The following PRKN variants were observed in gnomAD, a reference collection of about 807,000 sequenced individuals.
PRKN encodes the protein parkin RBR E3 ubiquitin protein ligase, also known as E3 ubiquitin-protein ligase parkin.
Under a neutral mutation model 59.5 loss-of-function variants are expected in PRKN, and 56 were observed. The ratio of observed to expected loss-of-function variants is 0.94; its 90% CI spans 0.76 to 1.18. The LOEUF is 1.18. PRKN is among the 50% of genes most tolerant of loss of function. The pLI is 0.00. For missense variants in PRKN, 657 were observed against 596.4 expected (o/e 1.10, Z -1.06); for synonymous variants, 250 against 222.1 (o/e 1.13, Z -1.12).
In PRKN at chr6:161,386,437, G is replaced by A. The variant is rs540174548; in HGVS notation, c.1167+357C>T. ...TTTTCACCAGAGATTCTAAACTAGG[G>A]CATTAAAAACATTGAAGTAGACTTA... On this transcript the variant is annotated intron_variant, in intron 10 of 11. Coordinates refer to ENST00000366898, the MANE Select transcript of PRKN (RefSeq NM_004562.3). The surrounding 1 kb of genome is among the most constrained non-coding windows in gnomAD (Gnocchi z 4.3). Among the ~76,000 whole-genome samples the A allele has an allele frequency of 5.3e-5, 8 of 152,246 alleles. No homozygotes were observed. In the South Asian group the frequency reaches 1.7e-3, roughly 32 times the overall value.
rs774043795 is a variant in PRKN at position 161,483,208 on chromosome 6, G to T, written c.1083+65646C>A. ...AAAAAAAAACATGCATTGTTAATGAGACTTCGCCAGAGATGCTTAGAGTTA... is the reference window on the plus strand; with the variant it reads ...AAAAAAAAACATGCATTGTTAATGATACTTCGCCAGAGATGCTTAGAGTTA... On this transcript the variant is annotated intron_variant, in intron 9 of 11. Transcript: ENST00000366898. The surrounding 1 kb of genome is among the most constrained non-coding windows in gnomAD (Gnocchi z 5.0). Among the ~76,000 whole-genome samples the T allele has an allele frequency of 3.3e-5, 5 of 150,584 alleles. No individual in the cohort carries two copies. Among genetic ancestry groups the T allele is most frequent in the Non-Finnish European group, 7.4e-5 (5 of 67,872 alleles).
intron 9 of PRKN, among the ~76,000 whole-genome samples, chr6:161,509,893 AAAAAAAAAAAG>A (rs1778321911): frequency 6.7e-6 from 1 of 149,438 alleles, no homozygotes; most frequent in Non-Finnish European, 1.5e-5. Context: ...AAAAAAAAAA[AAAAAAAAAAAG>A]TTAAGCCACA....
chr6:161,567,059 G>GTGTGTT (rs1295941545), intron 8 of PRKN, among the ~76,000 whole-genome samples: 1 of 129,722 alleles, frequency 7.7e-6, no homozygotes, highest in Non-Finnish European at 1.6e-5. Context: ...GTGTGTGTGT[G>GTGTGTT]AGAGAGGGTC....
intron 2 of PRKN, among the ~76,000 whole-genome samples, chr6:162,404,609 GT>G (rs1460580217): frequency 1.3e-5 from 2 of 151,976 alleles, no homozygotes; most frequent in Non-Finnish European, 2.9e-5. Flanking sequence ...CTAGAGTGCA[GT>G]GGTACAATCT....
chr6:162,386,073 CATATAA>C (rs1388357116), intron 2 of PRKN, among the ~76,000 whole-genome samples: 4 of 152,036 alleles, frequency 2.6e-5, no homozygotes, highest in Non-Finnish European at 4.4e-5. Context: ...ATGCAGGATA[CATATAA>C]ATATAGAGTC....
At chr6:162,228,787 GGT>G (rs1403436785) in intron 3 of PRKN, among the ~76,000 whole-genome samples, 2 of 152,110 alleles carry the variant, frequency 1.3e-5, no homozygotes, top group Non-Finnish European at 2.9e-5. Flanking sequence ...ATTATTTCCA[GGT>G]GTCTTTAAAT....
intron 2 of PRKN, among the ~76,000 whole-genome samples, chr6:162,280,618 C>T (rs1010014767): frequency 1.3e-5 from 2 of 151,806 alleles, no homozygotes; most frequent in African/African-American, 4.8e-5. Context: ...TGGTGAAACC[C>T]CGTCTCTACT....
At chr6:161,872,227 T>TGG (rs35541662) in intron 6 of PRKN, among the ~76,000 whole-genome samples, 2 of 151,744 alleles carry the variant, frequency 1.3e-5, no homozygotes, top group African/African-American at 2.4e-5. Flanking sequence ...AGCAGCTGAG[T>TGG]GGGGGTCCTA....
rs7765100 is a variant in PRKN, at chr6:162,184,298, C to T, written c.534+16833G>A. Reference sequence around the variant, plus strand: ...AGTGAAGTAAAAAACATCCACTGTCCTCTCTTTCTCTTGATTACTTCCAAC... The same window carrying T: ...AGTGAAGTAAAAAACATCCACTGTCTTCTCTTTCTCTTGATTACTTCCAAC... On this transcript the variant is annotated intron_variant, in intron 4 of 11. Transcript: ENST00000366898. 5.9e-5 allele frequency among the ~76,000 whole-genome samples: 9 copies of T among 152,094 alleles called. No individual in the cohort carries two copies. In the East Asian group the frequency reaches 1.7e-3, roughly 30 times the overall value.
intron 1 of PRKN, among the ~76,000 whole-genome samples, chr6:162,667,633 C>T (rs527841968): frequency 5.9e-5 from 9 of 152,062 alleles, no homozygotes; most frequent in Admixed American, 3.9e-4. Context: ...AAATATCTAT[C>T]GCAAACATAG....
chr6:162,592,739 A>G (rs1291945565), intron 1 of PRKN, among the ~76,000 whole-genome samples: 1 of 152,134 alleles, frequency 6.6e-6, no homozygotes, highest in Non-Finnish European at 1.5e-5. Context: ...CTTTATGTAG[A>G]TGTCAACAAA....
rs1018958083 is a variant in PRKN at position 161,892,661 on chromosome 6, C to T, written c.734+80641G>A. Reference sequence around the variant, plus strand: ...GGCTGAGGCAGGAGGATCTCCTGAGCGCATGAGTTAGAGGATGCAGTGAGC... The same window carrying T: ...GGCTGAGGCAGGAGGATCTCCTGAGTGCATGAGTTAGAGGATGCAGTGAGC... On this transcript the variant is annotated intron_variant, in intron 6 of 11. Transcript: ENST00000366898. 5.3e-5 allele frequency among the ~76,000 whole-genome samples: 8 copies of T among 152,210 alleles called. No homozygotes were observed. The South Asian group carries it at 6.2e-4, about 12-fold the overall frequency.
At chr6:161,837,839 T>C (rs991097845) in intron 6 of PRKN, among the ~76,000 whole-genome samples, 1 of 152,150 alleles carries the variant, frequency 6.6e-6, no homozygotes, top group Non-Finnish European at 1.5e-5. Context: ...TAGAAAATAA[T>C]AGTTTTGAGA....
At chr6:162,530,993 A>C (rs1286946984) in intron 1 of PRKN, among the ~76,000 whole-genome samples, 1 of 143,986 alleles carries the variant, frequency 6.9e-6, no homozygotes, top group Non-Finnish European at 1.5e-5. Context: ...GGAGGCGGAG[A>C]TTGCAGTAAA....
chr6:162,132,644 G>C (rs1039886137), intron 4 of PRKN, among the ~76,000 whole-genome samples: 1 of 152,134 alleles, frequency 6.6e-6, no homozygotes, highest in Non-Finnish European at 1.5e-5. Flanking sequence ...TCCAATAAGA[G>C]GTGGTGACCA....
Position 161,538,765 on chromosome 6 carries a change from A to G in PRKN, c.1083+10089T>C, listed in dbSNP as rs939546662. The stretch of plus-strand genomic sequence containing the variant: ...CTGGTCTTTACCCAAGAAAAGCCCT[A>G]TTACCTCCCAGGAGCTTGTAGAGAG... On this transcript the variant is annotated intron_variant, in intron 9 of 11. Transcript: ENST00000366898. This position sits in a 1 kb window ranked among gnomAD's most constrained non-coding sequence, Gnocchi z 4.2. 2.0e-5 allele frequency among the ~76,000 whole-genome samples: 3 copies of G among 152,172 alleles called. No homozygotes were observed. The highest frequency in any genetic ancestry group is 4.4e-5 in the Non-Finnish European group (3 of 68,036).
chr6:162,643,733 T>C (rs1156413093), intron 1 of PRKN: 1 of 152,186 alleles, frequency 6.6e-6, no homozygotes, highest in Middle Eastern at 3.2e-3. Flanking sequence ...TAATATACAA[T>C]GTATTTTTAT....
Position 162,649,397 on chromosome 6 carries a change from C to A in PRKN, c.7+78265G>T, listed in dbSNP as rs531238680. ...AATAGGATACTGGTAATGATTTTGC[C>A]AGGGCAGCATGTCTAACCCAGAGCC... On this transcript the variant is annotated intron_variant, in intron 1 of 11. Coordinates refer to ENST00000366898, the MANE Select transcript of PRKN (RefSeq NM_004562.3). 4.6e-5 allele frequency among the ~76,000 whole-genome samples: 7 copies of A among 152,180 alleles called. No individual in the cohort carries two copies. In the South Asian group the frequency reaches 1.5e-3, roughly 32 times the overall value.
chr6:162,311,393 C>A (rs1025630810), intron 2 of PRKN, among the ~76,000 whole-genome samples: 1 of 152,028 alleles, frequency 6.6e-6, no homozygotes, highest in Non-Finnish European at 1.5e-5. Flanking sequence ...AAGTTATTCT[C>A]CCCTGTAAAA....
Sources: gnomAD v4.1 joint callset for allele counts (sites outside exome capture counted in the v4.1 genomes callset) on GRCh38, gnomAD v4.1.1 for gene constraint, Gnocchi (gnomAD v3.1) non-coding constraint, MANE v1.5 for transcripts, NCBI Gene and HGNC (gene_info 2026-07-23, HGNC 2026-07-21) for gene names.